HECW1: variants seen among roughly 807,000 people sequenced by gnomAD.
HECW1 encodes the protein E3 ubiquitin-protein ligase HECW1.
In HECW1, 61 loss-of-function variants were observed where a neutral mutation model predicts 182.3. The observed-to-expected ratio is 0.33, with a 90% CI of 0.27 to 0.41. The LOEUF is 0.41. HECW1 is among the 10% of genes least tolerant of loss of function. HECW1 has a pLI of 1.00. For missense variants in HECW1, 1,739 were observed against 2,108.9 expected (o/e 0.82, Z 3.44); for synonymous variants, 859 against 832.6 (o/e 1.03, Z -0.55).
Position 43,298,547 on chromosome 7 carries a change from A to G in HECW1, c.28-13216A>G, listed in dbSNP as rs568348137. ...ATGATGAGTTTATCTCTGATAACCGATGGCAATGAGACCTGTCCTTTGCAA... is the reference window on the plus strand; with the variant it reads ...ATGATGAGTTTATCTCTGATAACCGGTGGCAATGAGACCTGTCCTTTGCAA... On this transcript the variant is annotated intron_variant, in intron 3 of 29. Coordinates refer to ENST00000395891, the MANE Select transcript of HECW1 (RefSeq NM_015052.5). Among the ~76,000 whole-genome samples the G allele has an allele frequency of 7.9e-5, 12 of 152,322 alleles. No homozygotes were observed. The East Asian group carries it at 2.3e-3, about 29-fold the overall frequency.
chr7:43,466,373 G>C, intron 14 of HECW1, 74 bp from the exon 15 acceptor site: 2 of 1,511,188 alleles, frequency 1.3e-6, no homozygotes, highest in South Asian at 2.4e-5. Context: ...TGCTGCCACT[G>C]TCAGGAGCGA....
intron 2 of HECW1, among the ~76,000 whole-genome samples, chr7:43,220,575 A>G (rs1158043783): frequency 6.6e-6 from 1 of 152,224 alleles, no homozygotes; most frequent in Non-Finnish European, 1.5e-5. Flanking sequence ...AAACTATTAG[A>G]GCCTGCCGTG....
At chr7:43,118,660 A>G (rs972615603) in intron 2 of HECW1, 9 of 152,138 alleles carry the variant, frequency 5.9e-5, no homozygotes, top group Non-Finnish European at 1.3e-4. Context: ...AAACTACTTA[A>G]TGACGTTTTC....
At chr7:43,475,007 G>A (rs1206913360) in intron 16 of HECW1, among the ~76,000 whole-genome samples, 1 of 152,210 alleles carries the variant, frequency 6.6e-6, no homozygotes, top group Non-Finnish European at 1.5e-5. Context: ...TTGTTTTGTG[G>A]ATACAGTGTT....
chr7:43,481,751 G>A (rs145630607), intron 17 of HECW1, among the ~76,000 whole-genome samples: 4,859 of 152,100 alleles, frequency 0.032, 264 homozygotes, highest in African/African-American at 0.11. Flanking sequence ...TTAGGAGGTC[G>A]AGGCAGGCAG....
rs141532901 is a variant in HECW1 at position 43,459,201 on chromosome 7, T to C, written c.2651+2754T>C. On this transcript the variant is annotated intron_variant, in intron 13 of 29. Transcript: ENST00000395891. ...GCCAGTGACTTCCTCCCCTATAGCT[T>C]CTGGAATGTGCCTGCCTCTGTGCCT... is the stretch of plus-strand genomic sequence containing the variant. Among the ~76,000 whole-genome samples the C allele has an allele frequency of 1.4e-4, 21 of 152,290 alleles. No individual in the cohort carries two copies. The East Asian group carries it at 4.1e-3, about 29-fold the overall frequency.
At chr7:43,446,213 A>T (rs578215037) in intron 11 of HECW1, among the ~76,000 whole-genome samples, 1 of 152,182 alleles carries the variant, frequency 6.6e-6, no homozygotes, top group Non-Finnish European at 1.5e-5. Flanking sequence ...AAATAACATG[A>T]TTGTGTATAA....
chr7:43,552,992 G>A (rs1258864513), intron 28 of HECW1, among the ~76,000 whole-genome samples: 2 of 152,166 alleles, frequency 1.3e-5, no homozygotes, highest in Admixed American at 1.3e-4. Context: ...CCTGAGCAGT[G>A]TGCATGGCTC....
intron 6 of HECW1, among the ~76,000 whole-genome samples, chr7:43,378,611 C>T (rs1416798718): frequency 1.3e-5 from 2 of 152,118 alleles, no homozygotes; most frequent in African/African-American, 4.8e-5. Context: ...TTGAGACCAG[C>T]CTGGCCAACA....
At chr7:43,209,669 A>G (rs889372108) in intron 2 of HECW1, among the ~76,000 whole-genome samples, 3 of 152,216 alleles carry the variant, frequency 2.0e-5, no homozygotes, top group Non-Finnish European at 2.9e-5. Context: ...AGACGTACAG[A>G]TGCGAAGCCT....
intron 3 of HECW1, among the ~76,000 whole-genome samples, chr7:43,309,305 G>C (rs1394635888): frequency 6.6e-6 from 1 of 152,140 alleles, no homozygotes; most frequent in Non-Finnish European, 1.5e-5. Context: ...TGGTGGGAGA[G>C]GGTGGGGTGC....
chr7:43,258,634 T>C (rs1043617161), intron 3 of HECW1: 1 of 152,212 alleles, frequency 6.6e-6, no homozygotes, highest in Non-Finnish European at 1.5e-5. Context: ...TTTTAATGTA[T>C]TGGCCCAGCA....
intron 3 of HECW1, among the ~76,000 whole-genome samples, chr7:43,250,386 C>T (rs1030019442): frequency 4.6e-5 from 7 of 152,208 alleles, no homozygotes; most frequent in African/African-American, 1.4e-4. Context: ...ATTTATTGAG[C>T]GCCTACTGTG....
intron 2 of HECW1, among the ~76,000 whole-genome samples, chr7:43,133,715 A>T (rs951281143): frequency 2.0e-5 from 3 of 149,930 alleles, no homozygotes; most frequent in African/African-American, 7.4e-5. Flanking sequence ...TGTCTATTTT[A>T]TTGTTTTTTT....
chr7:43,410,702 T>C (rs2075773274), intron 8 of HECW1, among the ~76,000 whole-genome samples: 1 of 152,204 alleles, frequency 6.6e-6, no homozygotes, highest in African/African-American at 2.4e-5. Flanking sequence ...GTCTTTTAAA[T>C]AAAAAGAGTC....
intron 5 of HECW1, among the ~76,000 whole-genome samples, chr7:43,359,428 AT>A (rs1473274911): frequency 6.6e-6 from 1 of 152,216 alleles, no homozygotes; most frequent in East Asian, 1.9e-4. Context: ...TTAAAAAATA[AT>A]TTGTAAAAAG....
At chr7:43,388,390 T>C (rs1171313490) in intron 6 of HECW1, among the ~76,000 whole-genome samples, 1 of 152,236 alleles carries the variant, frequency 6.6e-6, no homozygotes, top group Non-Finnish European at 1.5e-5. Flanking sequence ...TTATCACATG[T>C]CATCAGATCT....
intron 12 of HECW1, among the ~76,000 whole-genome samples, chr7:43,455,618 A>T (rs948555347): frequency 6.6e-6 from 1 of 152,204 alleles, no homozygotes; most frequent in African/African-American, 2.4e-5. Flanking sequence ...GACAGTGGTG[A>T]TGGACATTTC....
At chr7:43,504,312 C>T (rs1315365902) in intron 21 of HECW1, among the ~76,000 whole-genome samples, 2 of 152,314 alleles carry the variant, frequency 1.3e-5, no homozygotes, top group East Asian at 1.9e-4. Flanking sequence ...TCTCCACAAT[C>T]GCTAATTCAA....
Sources: allele counts gnomAD v4.1 joint callset (sites outside exome capture counted in the v4.1 genomes callset), GRCh38; gene constraint gnomAD v4.1.1; transcripts MANE v1.5; gene names NCBI Gene and HGNC (gene_info 2026-07-23, HGNC 2026-07-21).